PRELID2: variants seen among roughly 807,000 people sequenced by gnomAD.
The protein encoded by PRELID2 is PRELI domain containing 2.
PRELID2 carries 25 observed loss-of-function variants against 28.4 expected under a neutral mutation model. That is an observed-to-expected ratio of 0.88 (90% CI 0.64 to 1.23). The LOEUF is 1.23. PRELID2 is among the 50% of genes most tolerant of loss of function. The pLI, the probability that PRELID2 is intolerant of heterozygous loss-of-function variation, is 0.00. For missense variants in PRELID2, 201 were observed against 214.4 expected (o/e 0.94, Z 0.39); for synonymous variants, 76 against 71.6 (o/e 1.06, Z -0.31).
At chr5:145,433,432 A>G in the PRELID2 span, among the ~76,000 whole-genome samples, 1 of 151,902 alleles carries the variant, frequency 6.6e-6, no homozygotes, top group Non-Finnish European at 1.5e-5. Context: ...TTCCCGATTC[A>G]TTGTGTCAAT....
At chr5:145,472,466 T>G (rs1212609911) in intron 2 of PRELID2, among the ~76,000 whole-genome samples, 1 of 152,166 alleles carries the variant, frequency 6.6e-6, no homozygotes, top group Non-Finnish European at 1.5e-5. Context: ...CCCAGCCTTC[T>G]GACTCACAGT....
At chr5:145,719,481 G>T (rs1755929252) in intron 1 of PRELID2, among the ~76,000 whole-genome samples, 1 of 151,378 alleles carries the variant, frequency 6.6e-6, no homozygotes, top group Non-Finnish European at 1.5e-5. Context: ...GAGATAAATG[G>T]TAACTTTCCC....
intron 1 of PRELID2, among the ~76,000 whole-genome samples, chr5:145,631,381 C>T (rs1468176035): frequency 6.6e-6 from 1 of 152,206 alleles, no homozygotes; most frequent in Non-Finnish European, 1.5e-5. Context: ...GGTCTTGTCT[C>T]ACTCCCAGTT....
At chr5:145,260,501 A>T in the PRELID2 span, among the ~76,000 whole-genome samples, 2 of 152,330 alleles carry the variant, frequency 1.3e-5, no homozygotes, top group African/African-American at 4.8e-5. Flanking sequence ...ACCCAATAAC[A>T]GCCAAGTAGA....
the PRELID2 span, among the ~76,000 whole-genome samples, chr5:145,282,666 C>G: frequency 1.3e-5 from 2 of 151,914 alleles, no homozygotes. Context: ...ATTACAGGCA[C>G]CTGCCAACAT....
chr5:145,429,454 G>T, the PRELID2 span, among the ~76,000 whole-genome samples: 1 of 152,124 alleles, frequency 6.6e-6, no homozygotes, highest in East Asian at 1.9e-4. Flanking sequence ...GTCTAGGTTT[G>T]CACATGTTAA....
chr5:145,556,687 A>G (rs1036045026), intron 1 of PRELID2, among the ~76,000 whole-genome samples: 2 of 152,202 alleles, frequency 1.3e-5, no homozygotes, highest in Non-Finnish European at 2.9e-5. Context: ...TCCTCAAAAG[A>G]GCCGACAAGG....
intron 1 of PRELID2, among the ~76,000 whole-genome samples, chr5:145,724,593 GTAAA>G (rs1262175009): frequency 2.3e-4 from 3 of 13,122 alleles, no homozygotes; most frequent in Non-Finnish European, 3.2e-4. Flanking sequence ...ATAACAAGAA[GTAAA>G]TAAATATATA....
chr5:145,414,559 T>C, the PRELID2 span, among the ~76,000 whole-genome samples: 2 of 152,226 alleles, frequency 1.3e-5, no homozygotes, highest in Admixed American at 6.5e-5. Flanking sequence ...ATTGTCTTCT[T>C]ATTTCCAATA....
chr5:145,305,676 GT>G, the PRELID2 span, among the ~76,000 whole-genome samples: 6,035 of 152,020 alleles, frequency 0.04, 373 homozygotes, highest in African/African-American at 0.14. Flanking sequence ...CCTGGGTCCT[GT>G]TTTTTTAAAG....
At chr5:145,596,671 G>A (rs1296614140) in intron 1 of PRELID2, among the ~76,000 whole-genome samples, 1 of 152,060 alleles carries the variant, frequency 6.6e-6, no homozygotes, top group African/African-American at 2.4e-5. Context: ...TTTATTCTCA[G>A]TGGGGACCCC....
At chr5:145,435,597 C>G in the PRELID2 span, among the ~76,000 whole-genome samples, 1 of 152,168 alleles carries the variant, frequency 6.6e-6, no homozygotes, top group Non-Finnish European at 1.5e-5. Flanking sequence ...TGCATAACTT[C>G]TTGTTCATTT....
intron 1 of PRELID2, among the ~76,000 whole-genome samples, chr5:145,503,231 T>C (rs1191343315): frequency 1.3e-5 from 2 of 152,158 alleles, no homozygotes; most frequent in South Asian, 2.1e-4. Context: ...TGTGGTTCTG[T>C]CTACTTTGCA....
downstream of PRELID2, among the ~76,000 whole-genome samples, chr5:145,467,786 G>C (rs530859656): frequency 6.6e-6 from 1 of 150,862 alleles, no homozygotes; most frequent in South Asian, 2.1e-4. Context: ...TTGGCTTACA[G>C]GTGGTATCAA....
At chr5:145,722,708 C>T (rs1391328468) in intron 1 of PRELID2, among the ~76,000 whole-genome samples, 3 of 152,046 alleles carry the variant, frequency 2.0e-5, no homozygotes, top group Non-Finnish European at 4.4e-5. Flanking sequence ...CCATGTTGGC[C>T]AAGCTGATCT....
chr5:145,386,232 G>A, the PRELID2 span, among the ~76,000 whole-genome samples: 1 of 151,974 alleles, frequency 6.6e-6, no homozygotes, highest in African/African-American at 2.4e-5. Context: ...CAGATCTCAT[G>A]AGAACTCACC....
At chr5:145,400,603 A>G in the PRELID2 span, among the ~76,000 whole-genome samples, 1 of 152,076 alleles carries the variant, frequency 6.6e-6, no homozygotes, top group Non-Finnish European at 1.5e-5. Context: ...AACATACATC[A>G]TTTTCCAGCA....
chr5:145,361,147 C>A, the PRELID2 span, among the ~76,000 whole-genome samples: 1 of 152,126 alleles, frequency 6.6e-6, no homozygotes, highest in Non-Finnish European at 1.5e-5. Flanking sequence ...TACATTCCTG[C>A]CATAGTATTT....
chr5:145,400,340 C>T, the PRELID2 span, among the ~76,000 whole-genome samples: 1 of 152,008 alleles, frequency 6.6e-6, no homozygotes, highest in African/African-American at 2.4e-5. Flanking sequence ...AGTTCAGGAT[C>T]CCCAATCAAA....
Sources: allele counts gnomAD v4.1 joint callset (sites outside exome capture counted in the v4.1 genomes callset), GRCh38; gene constraint gnomAD v4.1.1; transcripts MANE v1.5; gene names NCBI Gene and HGNC (gene_info 2026-07-23, HGNC 2026-07-21).